Variants in ZMYM4 observed in about 807,000 individuals in gnomAD.
The protein encoded by ZMYM4 is zinc finger MYM-type containing 4, also known as zinc finger MYM-type protein 4.
Under a neutral mutation model 183.2 loss-of-function variants are expected in ZMYM4, and 31 were observed. The ratio of observed to expected loss-of-function variants is 0.17; its 90% CI spans 0.13 to 0.23. ZMYM4 has a LOEUF of 0.23. Ranked by LOEUF, ZMYM4 falls within the 10% of genes least tolerant of loss-of-function variation. The pLI, the probability that ZMYM4 is intolerant of heterozygous loss-of-function variation, is 1.00. For missense variants in ZMYM4, 1,273 were observed against 1,840.3 expected (o/e 0.69, Z 5.64); for synonymous variants, 592 against 631.2 (o/e 0.94, Z 0.93).
chr1:35,414,638 C>G (rs1349513868), intron 27 of ZMYM4, among the ~76,000 whole-genome samples: 1 of 152,178 alleles, frequency 6.6e-6, no homozygotes, highest in Admixed American at 6.5e-5. Flanking sequence ...GTCCATGGGC[C>G]AAATCTGGCC....
At chr1:35,390,284 G>A (rs1644675967) in intron 15 of ZMYM4, among the ~76,000 whole-genome samples, 186 bp downstream of exon 15, 1 of 152,188 alleles carries the variant, frequency 6.6e-6, no homozygotes, top group African/African-American at 2.4e-5. Flanking sequence ...TCCGTGTGAA[G>A]AGACCACCAA....
chr1:35,366,993 C>T (rs1307583601), intron 5 of ZMYM4, among the ~76,000 whole-genome samples: 1 of 143,538 alleles, frequency 7.0e-6, no homozygotes, highest in African/African-American at 2.6e-5. Context: ...CATCGTGCCC[C>T]AGCTTGTGGG....
intron 2 of ZMYM4, among the ~76,000 whole-genome samples, chr1:35,327,819 G>A (rs1393388080): frequency 6.6e-6 from 1 of 152,116 alleles, no homozygotes; most frequent in Non-Finnish European, 1.5e-5. Flanking sequence ...TAATCTTTCT[G>A]TATATCCATT....
intron 7 of ZMYM4, 111 bp from the exon 8 acceptor site, chr1:35,381,148 G>T: frequency 1.1e-6 from 1 of 869,944 alleles, no homozygotes; most frequent in Non-Finnish European, 1.7e-6. Flanking sequence ...AAATTCCAGT[G>T]TTATTTCCCT....
At chr1:35,280,237 T>C (rs1455263191) in intron 1 of ZMYM4, among the ~76,000 whole-genome samples, 3 of 149,724 alleles carry the variant, frequency 2.0e-5, no homozygotes, top group South Asian at 2.1e-4. Context: ...CCTTTCTCTT[T>C]CTTTCTCTCT....
chr1:35,300,362 C>G (rs561583066), intron 1 of ZMYM4, among the ~76,000 whole-genome samples: 2 of 152,180 alleles, frequency 1.3e-5, no homozygotes, highest in African/African-American at 4.8e-5. Flanking sequence ...TAAGAATTCT[C>G]TATCACTTTT....
chr1:35,279,803 C>T (rs1640054655), intron 1 of ZMYM4, among the ~76,000 whole-genome samples: 1 of 152,174 alleles, frequency 6.6e-6, no homozygotes, highest in Admixed American at 6.5e-5. Flanking sequence ...TTCCAGTTCC[C>T]AGTCACATAT....
Position 35,324,922 on chromosome 1 carries a change from C to G in ZMYM4, c.40-438C>G, listed in dbSNP as rs567473947. Reference sequence around the variant, plus strand: ...TAGGAACCATCCCTATAACAGGCCTCACTTTCAATTTAAGAGCAGCATGTT... The same window carrying G: ...TAGGAACCATCCCTATAACAGGCCTGACTTTCAATTTAAGAGCAGCATGTT... On this transcript the variant is annotated intron_variant, in intron 1 of 29. Coordinates refer to ENST00000314607, the MANE Select transcript of ZMYM4 (RefSeq NM_005095.3). 3.3e-5 allele frequency among the ~76,000 whole-genome samples: 5 copies of G among 152,202 alleles called. No homozygotes were observed. The South Asian group carries it at 1.0e-3, about 32-fold the overall frequency.
intron 2 of ZMYM4, among the ~76,000 whole-genome samples, chr1:35,340,655 C>T: frequency 6.6e-6 from 1 of 151,998 alleles, no homozygotes. Flanking sequence ...TAATGCTGCT[C>T]TCCTATGAGA....
chr1:35,412,092 C>T (rs1032541941), intron 26 of ZMYM4, among the ~76,000 whole-genome samples: 5 of 149,916 alleles, frequency 3.3e-5, no homozygotes, highest in Non-Finnish European at 7.5e-5. Context: ...AGGGTTTCAC[C>T]GTGGTCTCGA....
At chr1:35,334,072 T>A (rs887880437) in intron 2 of ZMYM4, among the ~76,000 whole-genome samples, 18 of 151,168 alleles carry the variant, frequency 1.2e-4, no homozygotes, top group African/African-American at 2.9e-4. Flanking sequence ...TCCCACCACT[T>A]CGGGAGACTG....
At chr1:35,332,663 A>G (rs1439070183) in intron 2 of ZMYM4, among the ~76,000 whole-genome samples, 1 of 152,046 alleles carries the variant, frequency 6.6e-6, no homozygotes, top group Non-Finnish European at 1.5e-5. Context: ...TCCAAGCAAA[A>G]TACTAATTCA....
intron 18 of ZMYM4, among the ~76,000 whole-genome samples, chr1:35,394,736 T>C (rs1644776647): frequency 6.6e-6 from 1 of 152,320 alleles, no homozygotes; most frequent in East Asian, 1.9e-4. Context: ...AGAATTTAAA[T>C]GGCTGTTTTT....
intron 1 of ZMYM4, among the ~76,000 whole-genome samples, chr1:35,301,919 G>C (rs573793240): frequency 6.6e-6 from 1 of 152,098 alleles, no homozygotes; most frequent in Admixed American, 6.6e-5. Context: ...GACTCACCTC[G>C]TTTGTTTCTC....
chr1:35,276,875 G>T (rs1639904849), intron 1 of ZMYM4, among the ~76,000 whole-genome samples: 1 of 152,134 alleles, frequency 6.6e-6, no homozygotes, highest in Non-Finnish European at 1.5e-5. Flanking sequence ...CCAAAGTGCT[G>T]GGATTATAGG....
At chr1:35,343,205 A>T (rs1477915230) in intron 2 of ZMYM4, among the ~76,000 whole-genome samples, 1 of 152,138 alleles carries the variant, frequency 6.6e-6, no homozygotes, top group Non-Finnish European at 1.5e-5. Context: ...GATGAAGCCC[A>T]ATTTTATTAT....
chr1:35,280,824 C>T (rs1557899955), intron 1 of ZMYM4, among the ~76,000 whole-genome samples: 1 of 152,146 alleles, frequency 6.6e-6, no homozygotes, highest in Non-Finnish European at 1.5e-5. Flanking sequence ...AGGATGATCT[C>T]ATTTCAAGAC....
chr1:35,355,156 C>T (rs1043500264), intron 2 of ZMYM4, among the ~76,000 whole-genome samples: 2 of 151,234 alleles, frequency 1.3e-5, no homozygotes, highest in African/African-American at 4.9e-5. Flanking sequence ...GCGTCAGCCT[C>T]CCGAGTAGCT....
chr1:35,359,276 C>A lies in ZMYM4; in HGVS notation c.437C>A (p.Ser146Tyr). ...TTTCCTAAACAATTTGATCAGGTTTCTGTCTTTAAATCAATACGGAAAGAT... is the reference window on the plus strand; with the variant it reads ...TTTCCTAAACAATTTGATCAGGTTTATGTCTTTAAATCAATACGGAAAGAT... ...KDFPKQFDQVSVFKSIRKDFS... is the reference protein window; with the variant it reads ...KDFPKQFDQVYVFKSIRKDFS... Residue 146 changes from serine (S) to tyrosine (Y), a missense_variant, in exon 3 of 30, where the codon TCT (serine) becomes TAT (tyrosine). By Grantham distance (144) the Ser-to-Tyr change is moderately radical. This residue lies in a region of ZMYM4 where 384 missense variants were observed against 465.6 expected (regional missense o/e 0.82). Transcript: ENST00000314607. 6.2e-7 allele frequency: 1 copy of A among 1,608,862 alleles called. No homozygotes were observed. The highest frequency in any genetic ancestry group is 8.5e-7 in the Non-Finnish European group (1 of 1,178,532).
Sources: allele counts gnomAD v4.1 joint callset (sites outside exome capture counted in the v4.1 genomes callset), GRCh38; gene constraint gnomAD v4.1.1; regional missense constraint gnomAD v4.1.1; transcripts MANE v1.5; gene names NCBI Gene and HGNC (gene_info 2026-07-23, HGNC 2026-07-21).